STT3B: variants seen among roughly 807,000 people sequenced by gnomAD.
The protein encoded by STT3B is dolichyl-diphosphooligosaccharide--protein glycosyltransferase subunit STT3B.
A neutral mutation model predicts 96.8 loss-of-function variants in STT3B; 29 were observed. The ratio of observed to expected loss-of-function variants is 0.30; its 90% CI spans 0.22 to 0.41. The LOEUF (loss-of-function observed/expected upper bound fraction) is 0.41, where lower values mean the gene tolerates loss of function less well. STT3B is among the 10% of genes least tolerant of loss of function. The pLI, the probability that STT3B is intolerant of heterozygous loss-of-function variation, is 1.00. For missense variants in STT3B, 640 were observed against 1,022.3 expected (o/e 0.63, Z 5.10); for synonymous variants, 367 against 360.0 (o/e 1.02, Z -0.22).
intron 3 of STT3B, among the ~76,000 whole-genome samples, chr3:31,583,884 A>C (rs1698474228): frequency 6.6e-6 from 1 of 151,722 alleles, no homozygotes; most frequent in Non-Finnish European, 1.5e-5. Flanking sequence ...TTGCCTTTTC[A>C]CTCTGGATAG....
chr3:31,565,982 A>C (rs545922351), intron 1 of STT3B, among the ~76,000 whole-genome samples: 1 of 152,200 alleles, frequency 6.6e-6, no homozygotes, highest in African/African-American at 2.4e-5. Flanking sequence ...ATAGATATAG[A>C]TCTATAGATA....
chr3:31,609,687 T>C (rs1432992909), intron 5 of STT3B, among the ~76,000 whole-genome samples: 1 of 152,110 alleles, frequency 6.6e-6, no homozygotes, highest in Non-Finnish European at 1.5e-5. Flanking sequence ...CTCTGCCTCC[T>C]GGGTTCAAGC....
intron 4 of STT3B, among the ~76,000 whole-genome samples, chr3:31,599,202 T>G (rs1698867765): frequency 6.6e-6 from 1 of 152,200 alleles, no homozygotes. Flanking sequence ...ATAGCCTGTA[T>G]AGTAGTCTTG....
intron 9 of STT3B, among the ~76,000 whole-genome samples, chr3:31,621,666 T>A (rs1699432813): frequency 6.6e-6 from 1 of 152,224 alleles, no homozygotes; most frequent in Non-Finnish European, 1.5e-5. Flanking sequence ...ACTTACGTTC[T>A]TCTCATCCCG....
chr3:31,598,997 A>T (rs1698860184), intron 4 of STT3B, among the ~76,000 whole-genome samples: 2 of 151,794 alleles, frequency 1.3e-5, no homozygotes, highest in Admixed American at 1.3e-4. Context: ...TTTAGTAGAG[A>T]CAGGATTTCT....
intron 1 of STT3B, among the ~76,000 whole-genome samples, chr3:31,539,248 A>C (rs1192413876): frequency 6.6e-6 from 1 of 152,148 alleles, no homozygotes; most frequent in Non-Finnish European, 1.5e-5. Flanking sequence ...GACTGTTGGC[A>C]CTAATTGACC....
chr3:31,609,941 T>G (rs1699144953), intron 5 of STT3B, among the ~76,000 whole-genome samples: 1 of 152,216 alleles, frequency 6.6e-6, no homozygotes, highest in South Asian at 2.1e-4. Context: ...TCTTGCTGCT[T>G]TTACAAGTCT....
intron 5 of STT3B, among the ~76,000 whole-genome samples, chr3:31,601,407 AC>A (rs2125463998): frequency 6.6e-6 from 1 of 152,330 alleles, no homozygotes; most frequent in East Asian, 1.9e-4. Flanking sequence ...TACAACATGA[AC>A]CTTGAAAACT....
intron 14 of STT3B, 62 bp from the exon 15 acceptor site, chr3:31,632,873 G>A: frequency 1.4e-6 from 2 of 1,420,876 alleles, no homozygotes; most frequent in Non-Finnish European, 9.8e-7. Context: ...AACACTTACT[G>A]TCTTATAACA....
chr3:31,540,550 G>C (rs1697240535), intron 1 of STT3B, among the ~76,000 whole-genome samples: 1 of 151,970 alleles, frequency 6.6e-6, no homozygotes, highest in Non-Finnish European at 1.5e-5. Flanking sequence ...TTTCTTTGGT[G>C]ATATCTAGCT....
rs1698898603 is a variant in STT3B at position 31,600,171 on chromosome 3, C to T, written c.778-189C>T. ...GAAAAGCATATTGGATTTGTGGGAT[C>T]GTGTTATTTTAATGATCAATAAAAA... On this transcript the variant is annotated intron_variant, in intron 4 of 15. Coordinates refer to ENST00000295770, the MANE Select transcript of STT3B (RefSeq NM_178862.3). Among the ~76,000 whole-genome samples the T allele has an allele frequency of 2.6e-5, 4 of 152,038 alleles. No homozygotes were observed. The South Asian group carries it at 6.2e-4, about 24-fold the overall frequency.
At chr3:31,585,111 G>A (rs894486331) in intron 3 of STT3B, among the ~76,000 whole-genome samples, 1 of 152,046 alleles carries the variant, frequency 6.6e-6, no homozygotes, top group Non-Finnish European at 1.5e-5. Context: ...TAAAAGATAA[G>A]TACTTTGTCA....
chr3:31,560,151 A>G (rs968296503), intron 1 of STT3B, among the ~76,000 whole-genome samples: 3 of 152,070 alleles, frequency 2.0e-5, no homozygotes, highest in Non-Finnish European at 2.9e-5. Context: ...GCCAGTGTAT[A>G]TCTTTTAAGT....
chr3:31,535,768 A>T (rs1447888017), intron 1 of STT3B, among the ~76,000 whole-genome samples: 2 of 152,152 alleles, frequency 1.3e-5, no homozygotes, highest in Non-Finnish European at 2.9e-5. Flanking sequence ...ATATATGAAA[A>T]CGCATTTCTG....
chr3:31,616,948 A>G lies in STT3B; in HGVS notation c.996A>G (p.Gln332=). The G allele has an allele frequency of 6.2e-7, 1 of 1,610,280 alleles. No individual in the cohort carries two copies. Among genetic ancestry groups the G allele is most frequent in the Non-Finnish European group, 8.5e-7 (1 of 1,177,218 alleles). Residue 332 remains glutamine, a synonymous_variant, in exon 7 of 16, where the codon CAA becomes CAG. Transcript: ENST00000295770. The part of the protein sequence containing the change: ...MAAAGVFALL[Q]AYAFLQYLRD... ...AATTAGGTGTCTTTGCATTGCTGCA[A>G]GCTTATGCTTTCTTGCAGTATCTGA...
At chr3:31,620,708 GGTT>G (rs1699408507) in intron 9 of STT3B, among the ~76,000 whole-genome samples, 1 of 152,174 alleles carries the variant, frequency 6.6e-6, no homozygotes, top group South Asian at 2.1e-4. Flanking sequence ...AATATGCTGT[GGTT>G]GTTTTGTATG....
chr3:31,558,554 G>A (rs914194667), intron 1 of STT3B, among the ~76,000 whole-genome samples: 1 of 152,156 alleles, frequency 6.6e-6, no homozygotes, highest in African/African-American at 2.4e-5. Flanking sequence ...TCATCATGGT[G>A]TATTATCTTT....
intron 2 of STT3B, 73 bp downstream of exon 2, chr3:31,576,577 GTGGTA>G: frequency 1.1e-6 from 1 of 891,332 alleles, no homozygotes; most frequent in Non-Finnish European, 1.7e-6. Flanking sequence ...AATTGCCAAG[GTGGTA>G]GGGATTCTTG....
At chr3:31,579,355 T>C (rs1559373176) in intron 2 of STT3B, among the ~76,000 whole-genome samples, 1 of 151,748 alleles carries the variant, frequency 6.6e-6, no homozygotes, top group East Asian at 1.9e-4. Context: ...TTAAATAATT[T>C]TGTGTGTAAT....
Sources: gnomAD v4.1 joint callset for allele counts (sites outside exome capture counted in the v4.1 genomes callset) on GRCh38, gnomAD v4.1.1 for gene constraint, MANE v1.5 for transcripts, NCBI Gene and HGNC (gene_info 2026-07-23, HGNC 2026-07-21) for gene names.